BRD1: variants seen among roughly 807,000 people sequenced by gnomAD.
The protein encoded by BRD1 is bromodomain containing 1.
In BRD1, 24 loss-of-function variants were observed where a neutral mutation model predicts 107.7. The observed-to-expected ratio is 0.22, with a 90% CI of 0.16 to 0.31. The LOEUF (loss-of-function observed/expected upper bound fraction) is 0.31, where lower values mean the gene tolerates loss of function less well. Among genes scored for constraint, BRD1 ranks in the 10% least tolerant of loss-of-function variants. BRD1 has a pLI of 1.00. For synonymous variants in BRD1, 744 were observed against 686.1 expected (o/e 1.08, Z -1.32); for missense variants, 1,279 against 1,638.6 (o/e 0.78, Z 3.79).
intron 12 of BRD1, 91 bp from the exon 13 acceptor site, chr22:49,774,507 C>T: frequency 7.1e-7 from 1 of 1,400,238 alleles, no homozygotes; most frequent in Non-Finnish European, 9.8e-7. Flanking sequence ...TCACTGCCCT[C>T]CGATAGAAAG....
Position 49,799,720 on chromosome 22 carries a change from A to C in BRD1, c.1525-601T>G, listed in dbSNP as rs138107262. On this transcript the variant is annotated intron_variant, in intron 3 of 12. Transcript: ENST00000404760. ...CTGCTCCCTTCTCAGTGGACAGAAG[A>C]GTGCGCCAGACAGCACAGGCCGCCA... Among the ~76,000 whole-genome samples the C allele has an allele frequency of 8.3e-4, 126 of 152,338 alleles. 1 individual carries two copies. Among genetic ancestry groups the C allele is most frequent in the Middle Eastern group, 6.8e-3 (2 of 294 alleles).
intron 6 of BRD1, among the ~76,000 whole-genome samples, chr22:49,795,530 C>T (rs889416645): frequency 8.5e-5 from 13 of 152,208 alleles, no homozygotes; most frequent in Non-Finnish European, 1.9e-4. Context: ...CTGCTCTGTT[C>T]GAGGGAGGTG....
intron 8 of BRD1, among the ~76,000 whole-genome samples, chr22:49,784,961 G>C (rs2059294257): frequency 6.6e-6 from 1 of 152,250 alleles, no homozygotes; most frequent in Admixed American, 6.5e-5. Context: ...ACTCGGAAAT[G>C]AGAGAGCAGA....
In BRD1 at chr22:49,787,678, C is replaced by G. The variant is rs2059357762; in HGVS notation, c.2569G>C (p.Ala857Pro). 3 of 1,550,510 alleles carry G rather than the reference C, an allele frequency of 1.9e-6. No individual in the cohort carries two copies. The highest frequency in any genetic ancestry group is 2.6e-6 in the Non-Finnish European group (3 of 1,146,996). ...GCCGCCGGCACATCGCCACTACTGGCGCGGGTGGGCTCTGGAGGGCGTCCG... is the reference window on the plus strand; with the variant it reads ...GCCGCCGGCACATCGCCACTACTGGGGCGGGTGGGCTCTGGAGGGCGTCCG... ...VSGRPPEPTR[A>P]SSGDVPAAAA... Residue 857 changes from alanine (A) to proline (P), a missense_variant, in exon 8 of 13, where the codon GCC (alanine) becomes CCC (proline). Physicochemically the swap from Ala to Pro is conservative, Grantham distance 27. Coordinates refer to ENST00000404760, the MANE Select transcript of BRD1 (RefSeq NM_001304808.3).
intron 3 of BRD1, among the ~76,000 whole-genome samples, chr22:49,800,614 G>A (rs148130824): frequency 2.0e-4 from 31 of 152,320 alleles, no homozygotes; most frequent in Admixed American, 2.0e-3. Flanking sequence ...AAACTTACTA[G>A]TCTGCTCCCC....
At position 49,797,931 on chromosome 22, in the gene BRD1, G is replaced by T; in HGVS notation, c.1972C>A (p.Gln658Lys). 1.2e-6 allele frequency: 2 copies of T among 1,614,212 alleles called. No homozygotes were observed. The highest frequency in any genetic ancestry group is 1.7e-6 in the Non-Finnish European group (2 of 1,180,040). ...FYRAAVRLRD[Q>K]GGVVLRQARR... is the part of the protein sequence containing the mutation. ...GCCTGCCTCAGAACAACACCTCCCT[G>T]ATCGCGCAGCCTCACCGCGGCTCTA... Residue 658 changes from glutamine (Q) to lysine (K), a missense_variant, in exon 6 of 13, where the codon CAG (glutamine) becomes AAG (lysine). By Grantham distance (53) the Gln-to-Lys change is moderately conservative (BLOSUM62 1). Coordinates refer to ENST00000404760, the MANE Select transcript of BRD1 (RefSeq NM_001304808.3).
At chr22:49,799,159 C>G in intron 3 of BRD1, 40 bp from the exon 4 acceptor site, 1 of 1,587,310 alleles carries the variant, frequency 6.3e-7, no homozygotes, top group South Asian at 1.1e-5. Flanking sequence ...AACCCAGAGG[C>G]TCCTTCTGCA....
At chr22:49,775,556 A>G (rs1440367077) in intron 12 of BRD1, 35 bp downstream of exon 12, 3 of 1,413,882 alleles carry the variant, frequency 2.1e-6, no homozygotes, top group Admixed American at 2.2e-5. Context: ...CAACCACCCC[A>G]GCCGGTCCCC....
At chr22:49,827,424 G>C (rs1472294058) in intron 1 of BRD1, 73 bp downstream of exon 1, 1 of 145,994 alleles carries the variant, frequency 6.8e-6, no homozygotes, top group Admixed American at 6.8e-5. Context: ...AGGCCGGGCC[G>C]AGGCGGCGGC....
At chr22:49,799,370 G>A (rs2059598051) in intron 3 of BRD1, among the ~76,000 whole-genome samples, 1 of 152,154 alleles carries the variant, frequency 6.6e-6, no homozygotes, top group Admixed American at 6.5e-5. Flanking sequence ...GCTGGCCCCG[G>A]TGCACAGGTT....
rs949204844 is a variant in BRD1 at position 49,827,783 on chromosome 22, A to C, written c.-301T>G. On this transcript the variant is annotated 5_prime_UTR_variant, in exon 1 of 13. Transcript: ENST00000404760. ...CGGCGGGCGCGGGCGCGGGCGCGGGAGCGGGCGGCGGGCGGCGGGCGCGGG... is the reference window on the plus strand; with the variant it reads ...CGGCGGGCGCGGGCGCGGGCGCGGGCGCGGGCGGCGGGCGGCGGGCGCGGG... 5.9e-5 allele frequency among the ~76,000 whole-genome samples: 8 copies of C among 136,338 alleles called. No homozygotes were observed. The East Asian group carries it at 6.7e-4, about 11-fold the overall frequency. 89.4% of individuals were successfully genotyped at this position (136,338 alleles called of 152,430 possible).
intron 2 of BRD1, among the ~76,000 whole-genome samples, chr22:49,812,407 AAAG>A (rs2147282893): frequency 6.6e-6 from 1 of 152,336 alleles, no homozygotes; most frequent in South Asian, 2.1e-4. Context: ...TTATGACATT[AAAG>A]AAGTCCTAGA....
intron 7 of BRD1, 112 bp downstream of exon 7, chr22:49,793,922 T>C: frequency 3.5e-6 from 5 of 1,428,236 alleles, no homozygotes; most frequent in East Asian, 2.3e-5. Context: ...GGCGCTAACC[T>C]GAGCCTCCGT....
At chr22:49,779,214 G>C (rs2059157339) in intron 8 of BRD1, among the ~76,000 whole-genome samples, 1 of 152,192 alleles carries the variant, frequency 6.6e-6, no homozygotes, top group South Asian at 2.1e-4. Context: ...TGGGAGGCAT[G>C]TTTTGAAGGG....
rs916035058 is a variant in BRD1, at chr22:49,783,133, G to A, written c.2857+4257C>T. ...GCCTGCACGAGACCTGCTCTTGCTG[G>A]GACCCAGCTCCATGACAATGCAGCT... is the stretch of plus-strand genomic sequence containing the variant. On this transcript the variant is annotated intron_variant, in intron 8 of 12. Coordinates refer to ENST00000404760, the MANE Select transcript of BRD1 (RefSeq NM_001304808.3). The surrounding 1 kb of genome is among the most constrained non-coding windows in gnomAD (Gnocchi z 4.2). Among the ~76,000 whole-genome samples, 1 of 151,978 alleles carries A rather than the reference G, an allele frequency of 6.6e-6. No individual in the cohort carries two copies. The highest frequency in any genetic ancestry group is 2.1e-4 in the South Asian group (1 of 4,804).
In BRD1 at chr22:49,785,301, G is replaced by A. The variant is rs551403466; in HGVS notation, c.2857+2089C>T. ...CGTGAGCATCCTGCTGAGTGTCGAC[G>A]GGAGGCCGCCTCAAACCCCAGCCCC... is the stretch of plus-strand genomic sequence containing the variant. On this transcript the variant is annotated intron_variant, in intron 8 of 12. Coordinates refer to ENST00000404760, the MANE Select transcript of BRD1 (RefSeq NM_001304808.3). Among the ~76,000 whole-genome samples the A allele has an allele frequency of 1.2e-4, 19 of 152,360 alleles. No individual in the cohort carries two copies. In the East Asian group the frequency reaches 3.3e-3, roughly 26 times the overall value.
intron 1 of BRD1, among the ~76,000 whole-genome samples, chr22:49,826,632 G>A (rs570505050): frequency 1.3e-5 from 2 of 152,354 alleles, no homozygotes; most frequent in East Asian, 3.9e-4. Context: ...CTCGGTCAAG[G>A]CCACAGGGGC....
rs1364582556 is a variant in BRD1 at position 49,794,138 on chromosome 22, C to T, written c.2255G>A (p.Arg752Gln). ...GCTGTGCTGCTGGCTCAGCTTGTTT[C>T]GGAGAAGGGCAATTTCCTTTTTGAG... is the stretch of plus-strand genomic sequence containing the variant. ...KLLKKEIALL[R>Q]NKLSQQHSQP... The change falls in exon 7 of 13, where the codon CGA becomes CAA. Residue 752 changes from arginine (R) to glutamine (Q), a missense_variant. Coordinates refer to ENST00000404760, the MANE Select transcript of BRD1 (RefSeq NM_001304808.3). 2 of 1,614,236 alleles carry T rather than the reference C, an allele frequency of 1.2e-6. No individual in the cohort carries two copies. The highest frequency in any genetic ancestry group is 1.7e-6 in the Non-Finnish European group (2 of 1,180,048).
chr22:49,784,925 C>T (rs772699673), intron 8 of BRD1, among the ~76,000 whole-genome samples: 2 of 152,208 alleles, frequency 1.3e-5, no homozygotes, highest in African/African-American at 2.4e-5. Context: ...CAGGAACTCA[C>T]CGCACCTCCA....
Sources: gnomAD v4.1 joint callset for allele counts (sites outside exome capture counted in the v4.1 genomes callset) on GRCh38, gnomAD v4.1.1 for gene constraint, Gnocchi (gnomAD v3.1) non-coding constraint, MANE v1.5 for transcripts, NCBI Gene and HGNC (gene_info 2026-07-23, HGNC 2026-07-21) for gene names.